VPS8: variants seen among roughly 807,000 people sequenced by gnomAD.
The protein encoded by VPS8 is VPS8 subunit of CORVET complex.
Under a neutral mutation model 216.4 loss-of-function variants are expected in VPS8, and 129 were observed. The ratio of observed to expected loss-of-function variants is 0.60; its 90% CI spans 0.52 to 0.69. The LOEUF is 0.69. Among genes scored for constraint, VPS8 ranks in the 30% least tolerant of loss-of-function variants. VPS8 has a pLI of 0.00. For synonymous variants in VPS8, 571 were observed against 565.4 expected (o/e 1.01, Z -0.14); for missense variants, 1,531 against 1,683.5 (o/e 0.91, Z 1.59).
At chr3:184,983,950 C>T (rs933478609) in intron 42 of VPS8, among the ~76,000 whole-genome samples, 3 of 150,764 alleles carry the variant, frequency 2.0e-5, no homozygotes, top group Non-Finnish European at 3.0e-5. Flanking sequence ...TTTGGGAAGC[C>T]GAGGCGGGCG....
chr3:184,965,881 C>T lies in VPS8; in HGVS notation c.3274-790C>T, dbSNP rs79496924. Among the ~76,000 whole-genome samples, 1,192 of 152,208 alleles carry T rather than the reference C, an allele frequency of 7.8e-3. 20 individuals are homozygous for T. Among genetic ancestry groups the T allele is most frequent in the African/African-American group, 0.027 (1,138 of 41,510 alleles). Reference sequence around the variant, plus strand: ...GGGATAGATTTGAGAAGTTATTGATCATTTGCATATGGTATGAGGTAACTG... The same window carrying T: ...GGGATAGATTTGAGAAGTTATTGATTATTTGCATATGGTATGAGGTAACTG... On this transcript the variant is annotated intron_variant, in intron 38 of 47. Coordinates refer to ENST00000625842, the MANE Select transcript of VPS8 (RefSeq NM_001009921.3).
At chr3:184,842,547 T>C (rs1202581588) in intron 7 of VPS8, among the ~76,000 whole-genome samples, 6 of 152,178 alleles carry the variant, frequency 3.9e-5, no homozygotes, top group Admixed American at 3.9e-4. Context: ...AATCAGATGT[T>C]TGGACAACGT....
At chr3:184,871,763 A>G (rs963889939) in intron 21 of VPS8, among the ~76,000 whole-genome samples, 3 of 152,178 alleles carry the variant, frequency 2.0e-5, no homozygotes, top group South Asian at 2.1e-4. Context: ...TAATGGACAT[A>G]TTTAGAAGAA....
chr3:184,901,667 A>G (rs1416981046), intron 25 of VPS8, among the ~76,000 whole-genome samples: 2 of 152,136 alleles, frequency 1.3e-5, no homozygotes. Flanking sequence ...TTCATATTGA[A>G]TTCATATTGA....
At chr3:184,874,740 A>G (rs1379019570) in intron 21 of VPS8, among the ~76,000 whole-genome samples, 1 of 152,184 alleles carries the variant, frequency 6.6e-6, no homozygotes, top group Non-Finnish European at 1.5e-5. Flanking sequence ...TAGGCTGTTG[A>G]TAAACTCAGC....
chr3:184,992,964 T>C (rs1752105198), intron 42 of VPS8, among the ~76,000 whole-genome samples: 1 of 152,092 alleles, frequency 6.6e-6, no homozygotes, highest in South Asian at 2.1e-4. Flanking sequence ...TTGCAGCCAC[T>C]AGCATTTGAT....
chr3:185,003,938 C>T (rs1458298810), intron 45 of VPS8, among the ~76,000 whole-genome samples: 8 of 148,684 alleles, frequency 5.4e-5, no homozygotes, highest in Admixed American at 3.3e-4. Context: ...GGGGCAGAGG[C>T]GCTCCCCACA....
chr3:184,918,363 G>A (rs1384305215), intron 28 of VPS8, among the ~76,000 whole-genome samples: 1 of 152,112 alleles, frequency 6.6e-6, no homozygotes, highest in African/African-American at 2.4e-5. Context: ...CTTACAACTT[G>A]GGTTTTAGGT....
chr3:185,031,191 T>A (rs1183639472), intron 46 of VPS8, among the ~76,000 whole-genome samples: 1 of 151,508 alleles, frequency 6.6e-6, no homozygotes, highest in African/African-American at 2.4e-5. Flanking sequence ...GTTGATAGTT[T>A]CACAAAAGTC....
At chr3:185,026,601 A>G (rs1437514069) in intron 46 of VPS8, among the ~76,000 whole-genome samples, 2 of 151,146 alleles carry the variant, frequency 1.3e-5, no homozygotes, top group Non-Finnish European at 2.9e-5. Context: ...TAGTAGAGAC[A>G]GGGTTTCACC....
chr3:184,916,513 T>C (rs1459219482), intron 28 of VPS8, among the ~76,000 whole-genome samples: 3 of 152,004 alleles, frequency 2.0e-5, no homozygotes, highest in Non-Finnish European at 4.4e-5. Flanking sequence ...ATAAATTGAA[T>C]TATATAAATA....
At chr3:184,881,992 A>G (rs996552019) in intron 21 of VPS8, among the ~76,000 whole-genome samples, 2 of 151,320 alleles carry the variant, frequency 1.3e-5, no homozygotes, top group African/African-American at 4.8e-5. Flanking sequence ...TCCTTGGGAT[A>G]TTCTATGTGG....
At chr3:185,023,103 C>T (rs1024559220) in intron 45 of VPS8, among the ~76,000 whole-genome samples, 1 of 152,198 alleles carries the variant, frequency 6.6e-6, no homozygotes, top group Admixed American at 6.5e-5. Context: ...CCATCACCAC[C>T]AAAAATTTAC....
At chr3:184,947,354 T>G (rs968506265) in intron 36 of VPS8, among the ~76,000 whole-genome samples, 1 of 152,146 alleles carries the variant, frequency 6.6e-6, no homozygotes, top group Non-Finnish European at 1.5e-5. Flanking sequence ...GGTGGGTAGC[T>G]CTGGAGAGAT....
intron 9 of VPS8, 112 bp from the exon 10 acceptor site, chr3:184,849,824 T>C: frequency 1.3e-6 from 1 of 788,004 alleles, no homozygotes; most frequent in South Asian, 1.6e-5. Flanking sequence ...TTATAGTTCT[T>C]TGCCTGCAAT....
intron 21 of VPS8, among the ~76,000 whole-genome samples, chr3:184,885,644 T>C (rs1168229710): frequency 1.3e-5 from 2 of 152,242 alleles, no homozygotes; most frequent in Non-Finnish European, 2.9e-5. Flanking sequence ...GAGTTTTCTT[T>C]ACAGATCTGT....
At chr3:184,885,794 C>CT (rs201959642) in intron 21 of VPS8, among the ~76,000 whole-genome samples, 11 of 151,508 alleles carry the variant, frequency 7.3e-5, no homozygotes, top group South Asian at 4.2e-4. Flanking sequence ...ATTCATATTT[C>CT]TTTTTTTTTC....
intron 46 of VPS8, among the ~76,000 whole-genome samples, chr3:185,029,417 G>T (rs1757803291): frequency 6.6e-6 from 1 of 152,182 alleles, no homozygotes; most frequent in African/African-American, 2.4e-5. Context: ...GGATTCAAGT[G>T]CTAAGGAAAC....
At chr3:184,926,372 G>A (rs1354600398) in intron 30 of VPS8, among the ~76,000 whole-genome samples, 1 of 138,324 alleles carries the variant, frequency 7.2e-6, no homozygotes, top group Admixed American at 6.8e-5. Flanking sequence ...GTGAGACTCT[G>A]TCTCAATAAA....
Sources: gnomAD v4.1 joint callset for allele counts (sites outside exome capture counted in the v4.1 genomes callset) on GRCh38, gnomAD v4.1.1 for gene constraint, MANE v1.5 for transcripts, NCBI Gene and HGNC (gene_info 2026-07-23, HGNC 2026-07-21) for gene names.